The following COX7B variants were observed in gnomAD, a reference collection of about 807,000 sequenced individuals.
The protein encoded by COX7B is cytochrome c oxidase subunit 7B, mitochondrial.
Under a neutral mutation model 7.9 loss-of-function variants are expected in COX7B, and 2 were observed. The observed-to-expected ratio is 0.25, with a 90% confidence interval of 0.10 to 0.79. The LOEUF (loss-of-function observed/expected upper bound fraction) is 0.79. Among genes scored for constraint, COX7B ranks in the 30% least tolerant of loss-of-function variants. The pLI is 0.69. For missense variants in COX7B, 54 were observed against 62.7 expected, an observed-to-expected ratio of 0.86 and a Z score of 0.47; for synonymous variants, 19 against 21.1, an observed-to-expected ratio of 0.90 and a Z score of 0.27.
rs1266545917 is a variant in COX7B, at chrX:77,902,336, T to C, written c.41-307T>C. On this transcript the variant is annotated intron_variant, in intron 1 of 2. Coordinates refer to ENST00000650309, the MANE Select transcript of COX7B (RefSeq NM_001866.3). ...TTTCCCCCAACACTATTATGAAAAC[T>C]CTCAGACATACTGAAGAGTTGGAAG... Among the ~76,000 whole-genome samples the C allele has an allele frequency of 8.0e-5, 9 of 112,013 alleles. No homozygotes were observed. The Admixed American group carries it at 8.6e-4, about 11-fold the overall frequency.
chrX:77,900,192 C>T (rs781857864), intron 1 of COX7B, among the ~76,000 whole-genome samples: 88 of 111,373 alleles, frequency 7.9e-4, no homozygotes, highest in African/African-American at 2.8e-3. Flanking sequence ...CATAGTGAAA[C>T]GCCGTCCCTA....
rs1557220738 is a variant in COX7B, at chrX:77,902,739, C to T, written c.137C>T (p.Ala46Val). The change falls in exon 2 of 3, where the codon GCC (alanine) becomes GTC (valine). Residue 46 changes from alanine to valine, a missense_variant. Transcript: ENST00000650309. ...GGTAATGCTGTATTAGCTAGTGGAG[C>T]CACTTTCTGTATTGTTACATGGACA... ...KYGNAVLASG[A>V]TFCIVTWTYV... is the part of the protein sequence containing the mutation. 1 of 1,207,642 alleles carries T rather than the reference C, an allele frequency of 8.3e-7. No homozygotes were observed. Among genetic ancestry groups the T allele is most frequent in the East Asian group, 3.0e-5 (1 of 33,818 alleles).
At position 77,903,357 on chromosome X, in the gene COX7B, C is replaced by T. The variant is rs1159774436; in HGVS notation, c.165+590C>T. 2.7e-5 allele frequency among the ~76,000 whole-genome samples: 3 copies of T among 109,192 alleles called. No individual in the cohort carries two copies. The East Asian group carries it at 8.6e-4, about 31-fold the overall frequency. 94.8% of individuals were successfully genotyped at this position (109,192 alleles called of 115,157 possible). On this transcript the variant is annotated intron_variant, in intron 2 of 2. Transcript: ENST00000650309. ...TACAGGCGCCCTCCAGTACGCCTGG[C>T]AGATTTTTGTATTTTTAGTAGAGAC...
chrX:77,902,870 G>T (rs1028825323), intron 2 of COX7B, 103 bp downstream of exon 2: 68 of 791,115 alleles, frequency 8.6e-5, no homozygotes, highest in Non-Finnish European at 1.4e-5. Flanking sequence ...AGTTAGGAGG[G>T]ACTTGAGAGA....
intron 1 of COX7B, 67 bp downstream of exon 1, chrX:77,899,660 G>A: frequency 4.7e-6 from 5 of 1,064,150 alleles, no homozygotes; most frequent in Non-Finnish European, 6.5e-6. Context: ...GGCCTCTCGT[G>A]TGCTTTCCTT....
intron 2 of COX7B, 167 bp downstream of exon 2, chrX:77,902,934 A>G (rs1290975970): frequency 2.6e-6 from 1 of 389,859 alleles, no homozygotes; most frequent in African/African-American, 2.5e-5. Context: ...CCCAGCATTC[A>G]TCCATCTTCT....
Position 77,905,421 on chromosome X carries a change from T to C in COX7B, c.*160T>C. On this transcript the variant is annotated 3_prime_UTR_variant, in exon 3 of 3. Transcript: ENST00000650309. ...TGTTTCTTTGTAAATGAAACTAAGC[T>C]TGATCACTTTAGCCTTTATGTTAAT... 1 of 427,485 alleles carries C rather than the reference T, an allele frequency of 2.3e-6. No homozygotes were observed. 35.2% of individuals were successfully genotyped at this position (427,485 alleles called of 1,213,427 possible).
In COX7B at chrX:77,902,709, A is replaced by G. The variant is rs782304953; in HGVS notation, c.107A>G (p.Lys36Arg). The change falls in exon 2 of 3, where the codon AAA (lysine) becomes AGA (arginine). Residue 36 changes from lysine to arginine, a missense_variant. By Grantham distance (26) the Lys-to-Arg change is conservative (BLOSUM62 2). Coordinates refer to ENST00000650309, the MANE Select transcript of COX7B (RefSeq NM_001866.3). ...HQKRTPDFHDKYGNAVLASGA... is the reference protein window; with the variant it reads ...HQKRTPDFHDRYGNAVLASGA... ...AAACGTACACCTGATTTTCATGACA[A>G]ATACGGTAATGCTGTATTAGCTAGT... 65 of 1,206,850 alleles carry G rather than the reference A, an allele frequency of 5.4e-5. No individual in the cohort carries two copies. The highest frequency in any genetic ancestry group is 7.2e-5 in the Non-Finnish European group (64 of 893,282).
chrX:77,904,659 CA>C (rs1324054242), intron 2 of COX7B, among the ~76,000 whole-genome samples: 27 of 103,125 alleles, frequency 2.6e-4, no homozygotes, highest in African/African-American at 7.1e-4. Context: ...AAAAAAGTCT[CA>C]AAAAAAAAAT....
chrX:77,902,637 T>C lies in COX7B; in HGVS notation c.41-6T>C, dbSNP rs1444981667. 2 of 1,207,234 alleles carry C rather than the reference T, an allele frequency of 1.7e-6. No individual in the cohort carries two copies. Among genetic ancestry groups the C allele is most frequent in the African/African-American group, 3.5e-5 (2 of 57,250 alleles). ...CTTCTGTATTCTTTTTTCGTTTTCC[T>C]GTAAGTTCGAAGCATTCAGCAAACA... On this transcript the variant is annotated splice_polypyrimidine_tract_variant and splice_region_variant and intron_variant, in intron 1 of 2. Coordinates refer to ENST00000650309, the MANE Select transcript of COX7B (RefSeq NM_001866.3).
At chrX:77,901,739 T>G (rs2077120711) in intron 1 of COX7B, 1 of 110,940 alleles carries the variant, frequency 9.0e-6, no homozygotes, top group South Asian at 3.8e-4. Flanking sequence ...ATTTTTTATT[T>G]TTAGGGACAG....
At chrX:77,905,090 T>G (rs1557220981) in intron 2 of COX7B, 94 bp from the exon 3 acceptor site, 1 of 738,001 alleles carries the variant, frequency 1.4e-6, no homozygotes, top group African/African-American at 2.1e-5. Context: ...ATTTTTAACC[T>G]ATAGAACAGA....
intron 1 of COX7B, 75 bp from the exon 2 acceptor site, chrX:77,902,568 G>A: frequency 9.3e-7 from 1 of 1,080,446 alleles, no homozygotes; most frequent in Non-Finnish European, 1.3e-6. Context: ...CTGATTGGCA[G>A]TATCAATCAC....
Position 77,905,175 on chromosome X carries a change from T to A in COX7B, c.166-9T>A. 8.3e-7 allele frequency: 1 copy of A among 1,198,966 alleles called. No homozygotes were observed. The highest frequency in any genetic ancestry group is 3.0e-5 in the East Asian group (1 of 33,800). On this transcript the variant is annotated splice_polypyrimidine_tract_variant and intron_variant, in intron 2 of 2. Coordinates refer to ENST00000650309, the MANE Select transcript of COX7B (RefSeq NM_001866.3). ...AAACACGTAACTGACAGCATTTTAA[T>A]TCTTACAGGTAGCAACACAAGTCGG...
At chrX:77,901,046 A>G (rs2077118773) in intron 1 of COX7B, among the ~76,000 whole-genome samples, 1 of 111,612 alleles carries the variant, frequency 9.0e-6, no homozygotes, top group Admixed American at 9.6e-5. Flanking sequence ...TGGAATTCAC[A>G]TGCCCACTTT....
At chrX:77,904,777 C>G (rs887663850) in intron 2 of COX7B, among the ~76,000 whole-genome samples, 11 of 111,976 alleles carry the variant, frequency 9.8e-5, no homozygotes, top group Non-Finnish European at 2.1e-4. Flanking sequence ...ATAAAATACT[C>G]TGGCAGTTAC....
intron 1 of COX7B, 86 bp from the exon 2 acceptor site, chrX:77,902,557 C>T (rs1197650897): frequency 4.0e-6 from 4 of 1,011,295 alleles, no homozygotes; most frequent in African/African-American, 1.9e-5. Context: ...CCTTGGCTTT[C>T]CTGATTGGCA....
Position 77,899,528 on chromosome X carries a change from G to T in COX7B, c.-26G>T, listed in dbSNP as rs782703625. The T allele has an allele frequency of 2.2e-5, 26 of 1,208,783 alleles. No individual in the cohort carries two copies. Among genetic ancestry groups the T allele is most frequent in the Non-Finnish European group, 2.7e-5 (24 of 894,568 alleles). On this transcript the variant is annotated 5_prime_UTR_variant, in exon 1 of 3. Coordinates refer to ENST00000650309, the MANE Select transcript of COX7B (RefSeq NM_001866.3). ...TTGGCACCAAAGCAGCAGCTGTATT[G>T]CCGCAGTTCTAGCTTCACCTTCACG... is the stretch of plus-strand genomic sequence containing the variant.
chrX:77,899,626 A>C (rs374380697), intron 1 of COX7B, 33 bp downstream of exon 1: 3 of 1,189,072 alleles, frequency 2.5e-6, no homozygotes, highest in African/African-American at 3.5e-5. Context: ...CATTTACAAC[A>C]ACCTTATATC....
Sources: allele counts gnomAD v4.1 joint callset (sites outside exome capture counted in the v4.1 genomes callset), GRCh38; gene constraint gnomAD v4.1.1; transcripts MANE v1.5; gene names NCBI Gene and HGNC (gene_info 2026-07-23, HGNC 2026-07-21).